The following TSHZ2 variants were observed in gnomAD, a reference collection of about 807,000 sequenced individuals.
The protein encoded by TSHZ2 is teashirt homolog 2.
A neutral mutation model predicts 74.4 loss-of-function variants in TSHZ2; 21 were observed. That is an observed-to-expected ratio of 0.28 (90% confidence interval 0.20 to 0.41). TSHZ2 has a LOEUF of 0.41. Among genes scored for constraint, TSHZ2 ranks in the 10% least tolerant of loss-of-function variants. TSHZ2 has a pLI of 1.00. For missense variants in TSHZ2, 1,244 were observed against 1,293.5 expected (o/e 0.96, Z 0.59); for synonymous variants, 540 against 515.3 (o/e 1.05, Z -0.65).
intron 1 of TSHZ2, among the ~76,000 whole-genome samples, chr20:53,166,803 C>A (rs550409807): frequency 5.3e-5 from 8 of 152,066 alleles, no homozygotes; most frequent in Non-Finnish European, 1.0e-4. Context: ...AAAATCAAAA[C>A]AAAAATAAGG....
intron 2 of TSHZ2, among the ~76,000 whole-genome samples, chr20:53,405,914 T>G (rs1252523849): frequency 3.9e-5 from 6 of 152,178 alleles, no homozygotes; most frequent in Admixed American, 3.9e-4. Context: ...GGAGGATCAC[T>G]TGAGCCCAGG....
rs73268549 is a variant in TSHZ2, at chr20:53,086,818, G to A, written c.40+113485G>A. On this transcript the variant is annotated intron_variant, in intron 1 of 2. Coordinates refer to ENST00000371497, the MANE Select transcript of TSHZ2 (RefSeq NM_173485.6). Reference sequence around the variant, plus strand: ...TCTTTTAATGCCAGTTCTCCTTCCAGGAGCTGGGGATATAGCAATGAACCA... The same window carrying A: ...TCTTTTAATGCCAGTTCTCCTTCCAAGAGCTGGGGATATAGCAATGAACCA... Among the ~76,000 whole-genome samples the A allele has an allele frequency of 4.4e-3, 666 of 152,268 alleles. 7 individuals are homozygous for A. The highest frequency in any genetic ancestry group is 0.015 in the African/African-American group (632 of 41,560).
At chr20:53,068,753 T>C (rs1034802973) in intron 1 of TSHZ2, among the ~76,000 whole-genome samples, 1 of 152,180 alleles carries the variant, frequency 6.6e-6, no homozygotes, top group Non-Finnish European at 1.5e-5. Context: ...TTAAGTCCCA[T>C]AGGACACCCA....
At chr20:53,277,746 C>T (rs1440357453) in intron 2 of TSHZ2, among the ~76,000 whole-genome samples, 1 of 152,194 alleles carries the variant, frequency 6.6e-6, no homozygotes, top group Non-Finnish European at 1.5e-5. Context: ...AAGGAAAGCA[C>T]ATACCCTTAA....
chr20:53,175,124 C>G (rs1226951900), intron 1 of TSHZ2, among the ~76,000 whole-genome samples: 1 of 95,696 alleles, frequency 1.0e-5, no homozygotes, highest in Non-Finnish European at 2.0e-5. Context: ...CCTCCTTCTT[C>G]TTCTTTCTTT....
At chr20:53,449,294 T>G (rs1984678862) in intron 2 of TSHZ2, among the ~76,000 whole-genome samples, 1 of 152,222 alleles carries the variant, frequency 6.6e-6, no homozygotes, top group Non-Finnish European at 1.5e-5. Flanking sequence ...TCTAACTCAT[T>G]GGGTTGTTGT....
At chr20:53,228,455 C>T (rs1989740143) in intron 1 of TSHZ2, among the ~76,000 whole-genome samples, 2 of 152,194 alleles carry the variant, frequency 1.3e-5, no homozygotes, top group Admixed American at 1.3e-4. Flanking sequence ...AGCTTATAAG[C>T]AGTAAAATAG....
At chr20:53,458,014 A>G (rs1568926997) in intron 2 of TSHZ2, among the ~76,000 whole-genome samples, 1 of 151,854 alleles carries the variant, frequency 6.6e-6, no homozygotes, top group Non-Finnish European at 1.5e-5. Flanking sequence ...ATTGGTCTAA[A>G]ATTCTCTTTT....
intron 2 of TSHZ2, among the ~76,000 whole-genome samples, chr20:53,454,033 C>A (rs527867414): frequency 2.1e-4 from 32 of 152,276 alleles, no homozygotes; most frequent in African/African-American, 7.2e-4. Flanking sequence ...CACACATGCA[C>A]CAAAATGCTA....
chr20:53,340,588 A>G (rs1212111528), intron 2 of TSHZ2, among the ~76,000 whole-genome samples: 1 of 152,174 alleles, frequency 6.6e-6, no homozygotes, highest in Non-Finnish European at 1.5e-5. Context: ...AAAGACAAAG[A>G]AACTCAGTGG....
intron 2 of TSHZ2, chr20:53,452,910 T>C (rs1984859091): frequency 6.6e-6 from 1 of 152,212 alleles, no homozygotes; most frequent in Admixed American, 6.5e-5. Context: ...AGAAGCTTCT[T>C]GAAGGGAAGA....
At chr20:53,187,574 G>C (rs1312098374) in intron 1 of TSHZ2, among the ~76,000 whole-genome samples, 1 of 152,114 alleles carries the variant, frequency 6.6e-6, no homozygotes, top group Non-Finnish European at 1.5e-5. Context: ...GGCTAGCCGG[G>C]TGGTCCCAGC....
intron 2 of TSHZ2, among the ~76,000 whole-genome samples, chr20:53,366,931 T>C (rs1352435638): frequency 6.6e-6 from 1 of 152,210 alleles, no homozygotes; most frequent in African/African-American, 2.4e-5. Flanking sequence ...AGTTCAACTT[T>C]GTAAAGGAAA....
chr20:53,183,125 C>T (rs1193033373), intron 1 of TSHZ2, among the ~76,000 whole-genome samples: 1 of 152,318 alleles, frequency 6.6e-6, no homozygotes. Flanking sequence ...GGACCCTTCC[C>T]CTGGCTGGGA....
intron 2 of TSHZ2, chr20:53,401,023 ATGAGGCTCC>A (rs1982640616): frequency 2.0e-5 from 3 of 152,230 alleles, no homozygotes; most frequent in Admixed American, 6.5e-5. Flanking sequence ...CATTTGACCA[ATGAGGCTCC>A]TGAGGCTCCT....
chr20:53,054,799 A>C (rs781768586), intron 1 of TSHZ2, among the ~76,000 whole-genome samples: 3 of 152,084 alleles, frequency 2.0e-5, no homozygotes, highest in Non-Finnish European at 2.9e-5. Flanking sequence ...GGAATTTTGT[A>C]TTCATGGGCT....
intron 1 of TSHZ2, among the ~76,000 whole-genome samples, chr20:53,193,206 T>C (rs191545094): frequency 7.3e-5 from 11 of 151,404 alleles, no homozygotes; most frequent in Admixed American, 4.6e-4. Context: ...AAACACCACC[T>C]CTGGTTTCCT....
intron 2 of TSHZ2, chr20:53,461,335 G>A (rs1336501435): frequency 6.5e-6 from 1 of 153,184 alleles, no homozygotes; most frequent in Admixed American, 6.5e-5. Context: ...TCTTTGATTA[G>A]GAAAGGGAAC....
At chr20:53,047,958 G>A (rs1028917268) in intron 1 of TSHZ2, among the ~76,000 whole-genome samples, 4 of 152,180 alleles carry the variant, frequency 2.6e-5, no homozygotes, top group Non-Finnish European at 5.9e-5. Flanking sequence ...TGGAAACGGA[G>A]GTCAGAAGGG....
Sources: gnomAD v4.1 joint callset for allele counts (sites outside exome capture counted in the v4.1 genomes callset) on GRCh38, gnomAD v4.1.1 for gene constraint, MANE v1.5 for transcripts, NCBI Gene and HGNC (gene_info 2026-07-23, HGNC 2026-07-21) for gene names.